VDAC1: variants seen among roughly 807,000 people sequenced by gnomAD.
The protein encoded by VDAC1 is non-selective voltage-gated ion channel VDAC1.
A neutral mutation model predicts 34.7 loss-of-function variants in VDAC1; 10 were observed. That is an observed-to-expected ratio of 0.29 (90% confidence interval 0.18 to 0.49). The LOEUF (loss-of-function observed/expected upper bound fraction) is 0.49, where lower values mean the gene tolerates loss of function less well. VDAC1 is among the 20% of genes least tolerant of loss of function. The pLI, the probability that VDAC1 is intolerant of heterozygous loss-of-function variation, is 0.99. For synonymous variants in VDAC1, 130 were observed against 136.0 expected, an observed-to-expected ratio of 0.96 and a Z score of 0.30; for missense variants, 230 against 347.9, an observed-to-expected ratio of 0.66 and a Z score of 2.69.
the VDAC1 span, among the ~76,000 whole-genome samples, chr5:134,011,639 CT>C: frequency 0.44 from 58,932 of 134,960 alleles, 12,170 homozygotes; most frequent in Admixed American, 0.48. Flanking sequence ...ATCACAAGTT[CT>C]TTTTTTTTTT....
the VDAC1 span, among the ~76,000 whole-genome samples, chr5:134,096,057 G>T: frequency 6.6e-6 from 1 of 152,186 alleles, no homozygotes; most frequent in Non-Finnish European, 1.5e-5. Context: ...AGCCATGGGC[G>T]CCAGCCACCG....
intron 1 of VDAC1, chr5:134,004,526 G>GGCCGGGCT (rs1269647029): frequency 6.5e-6 from 1 of 152,890 alleles, no homozygotes; most frequent in Non-Finnish European, 1.5e-5. Flanking sequence ...CCCTCCCCGC[G>GGCCGGGCT]GCCGGGCTGC....
chr5:134,008,652 T>C (rs1753791144), upstream of VDAC1, among the ~76,000 whole-genome samples: 1 of 152,212 alleles, frequency 6.6e-6, no homozygotes, highest in Admixed American at 6.5e-5. Context: ...AACTCTTCTC[T>C]TTTCAGAGCC....
chr5:134,010,319 C>T, the VDAC1 span, among the ~76,000 whole-genome samples: 130 of 151,914 alleles, frequency 8.6e-4, no homozygotes, highest in African/African-American at 3.0e-3. Context: ...TGTGGGGGTC[C>T]GGGCGTGGTG....
chr5:134,022,547 G>T, the VDAC1 span, among the ~76,000 whole-genome samples: 1 of 152,144 alleles, frequency 6.6e-6, no homozygotes, highest in East Asian at 1.9e-4. Context: ...TGAGGGCTCT[G>T]CCCTAATGAC....
chr5:134,081,060 G>A, the VDAC1 span, among the ~76,000 whole-genome samples: 1 of 147,792 alleles, frequency 6.8e-6, no homozygotes, highest in African/African-American at 2.5e-5. Context: ...TTTTTGAGAC[G>A]GAGTTTTGCT....
chr5:133,975,357 G>A (rs1752436991), intron 7 of VDAC1, among the ~76,000 whole-genome samples: 1 of 152,096 alleles, frequency 6.6e-6, no homozygotes, highest in East Asian at 1.9e-4. Flanking sequence ...TCTGCACAGT[G>A]CCTGGTACCC....
the VDAC1 span, among the ~76,000 whole-genome samples, chr5:134,078,519 G>A: frequency 3.3e-5 from 5 of 152,170 alleles, no homozygotes; most frequent in South Asian, 4.1e-4. Context: ...GAGCACACTG[G>A]GGAGCAAGGA....
the VDAC1 span, among the ~76,000 whole-genome samples, chr5:134,098,425 A>G: frequency 6.6e-6 from 1 of 151,840 alleles, no homozygotes; most frequent in South Asian, 2.1e-4. Context: ...AGGTTTCACC[A>G]TATTGGCCAG....
the VDAC1 span, among the ~76,000 whole-genome samples, chr5:134,047,864 G>A: frequency 2.0e-5 from 3 of 151,880 alleles, no homozygotes; most frequent in African/African-American, 4.8e-5. Context: ...TGCTTTTCAC[G>A]ACATCCACAT....
chr5:134,009,575 T>A (rs1371229594), upstream of VDAC1, among the ~76,000 whole-genome samples: 1 of 152,100 alleles, frequency 6.6e-6, no homozygotes, highest in Non-Finnish European at 1.5e-5. Flanking sequence ...TCAATTCTTA[T>A]AAATTGAAAC....
At chr5:134,088,124 C>T in the VDAC1 span, among the ~76,000 whole-genome samples, 1 of 152,160 alleles carries the variant, frequency 6.6e-6, no homozygotes, top group Non-Finnish European at 1.5e-5. Flanking sequence ...CACTGCACTC[C>T]AGCCTGGGTG....
chr5:133,988,166 C>G (rs1274862727), intron 5 of VDAC1, among the ~76,000 whole-genome samples: 1 of 152,114 alleles, frequency 6.6e-6, no homozygotes, highest in Non-Finnish European at 1.5e-5. Context: ...CTTGCTGATT[C>G]TGATCATTAT....
the VDAC1 span, among the ~76,000 whole-genome samples, chr5:134,013,566 A>G: frequency 6.6e-6 from 1 of 152,340 alleles, no homozygotes; most frequent in South Asian, 2.1e-4. Flanking sequence ...TTTACAAACT[A>G]CGCATCTAAC....
the VDAC1 span, among the ~76,000 whole-genome samples, chr5:134,111,777 T>C: frequency 1.3e-5 from 2 of 152,178 alleles, no homozygotes; most frequent in Non-Finnish European, 2.9e-5. Flanking sequence ...TGGAATTTTA[T>C]AATGGAACAC....
the VDAC1 span, among the ~76,000 whole-genome samples, chr5:134,082,364 T>C: frequency 6.6e-6 from 1 of 152,232 alleles, no homozygotes; most frequent in African/African-American, 2.4e-5. Flanking sequence ...ACATAATTAT[T>C]GTGAGATTTA....
chr5:134,073,735 T>C, the VDAC1 span, among the ~76,000 whole-genome samples: 5 of 152,292 alleles, frequency 3.3e-5, no homozygotes, highest in African/African-American at 9.6e-5. Flanking sequence ...TTTATATACA[T>C]TGATGTGCAA....
chr5:134,054,255 C>T, the VDAC1 span, among the ~76,000 whole-genome samples: 1 of 152,082 alleles, frequency 6.6e-6, no homozygotes, highest in Admixed American at 6.6e-5. Flanking sequence ...AGCATGGTGG[C>T]TAGGGCGGGG....
the VDAC1 span, among the ~76,000 whole-genome samples, chr5:134,011,394 G>A: frequency 6.6e-6 from 1 of 152,080 alleles, no homozygotes; most frequent in Admixed American, 6.6e-5. Context: ...TTTGTCAGAT[G>A]CATAGATCTC....
Sources: allele counts gnomAD v4.1 joint callset (sites outside exome capture counted in the v4.1 genomes callset), GRCh38; gene constraint gnomAD v4.1.1; transcripts MANE v1.5; gene names NCBI Gene and HGNC (gene_info 2026-07-23, HGNC 2026-07-21).